PPP2R2C: variants seen among roughly 807,000 people sequenced by gnomAD.
PPP2R2C encodes the protein protein phosphatase 2 regulatory subunit Bgamma, also known as protein phosphatase 2, regulatory subunit B, gamma.
PPP2R2C carries 10 observed loss-of-function variants against 45.3 expected under a neutral mutation model. That is an observed-to-expected ratio of 0.22 (90% confidence interval 0.14 to 0.37). The LOEUF is 0.37. PPP2R2C is among the 10% of genes least tolerant of loss of function. PPP2R2C has a pLI of 1.00. For synonymous variants in PPP2R2C, 257 were observed against 245.4 expected (o/e 1.05, Z -0.44); for missense variants, 308 against 619.7 (o/e 0.50, Z 5.34).
Position 6,457,584 on chromosome 4 carries a change from G to C in PPP2R2C, c.70+14576C>G, listed in dbSNP as rs566471503. Among the ~76,000 whole-genome samples the C allele has an allele frequency of 3.3e-5, 5 of 152,052 alleles. No homozygotes were observed. In the South Asian group the frequency reaches 1.0e-3, roughly 32 times the overall value. On this transcript the variant is annotated intron_variant, in intron 1 of 8. Transcript: ENST00000382599. Reference sequence around the variant, plus strand: ...AGACAGGGTCTCACTATATTGCCCAGGCTGGTCTCGAACTCCTGGGCTCAA... The same window carrying C: ...AGACAGGGTCTCACTATATTGCCCACGCTGGTCTCGAACTCCTGGGCTCAA...
At chr4:6,475,026 G>A (rs1050507139), upstream of PPP2R2C, among the ~76,000 whole-genome samples, 2 of 152,220 alleles carry the variant, frequency 1.3e-5, no homozygotes, top group African/African-American at 4.8e-5. Context: ...CTATGTGTAG[G>A]CATGTTCCCA....
chr4:6,383,221 G>A (rs1715982093), intron 1 of PPP2R2C: 1 of 1,196,172 alleles, frequency 8.4e-7, no homozygotes, highest in Non-Finnish European at 1.1e-6. Flanking sequence ...AGGAGGAAGA[G>A]TGGGTGCAGA....
intron 5 of PPP2R2C, among the ~76,000 whole-genome samples, chr4:6,370,583 G>C (rs1245370059): frequency 1.3e-5 from 2 of 152,316 alleles, no homozygotes; most frequent in East Asian, 3.9e-4. Context: ...ACAGTTCAGA[G>C]AGAACTGGTC....
chr4:6,555,889 A>G (rs1201986696), intron 1 of PPP2R2C, among the ~76,000 whole-genome samples: 1 of 152,100 alleles, frequency 6.6e-6, no homozygotes, highest in Non-Finnish European at 1.5e-5. Context: ...GGAGACTGGG[A>G]CCTCAGCTGT....
intron 2 of PPP2R2C, among the ~76,000 whole-genome samples, chr4:6,515,278 C>T (rs4571410): frequency 0.061 from 9,318 of 152,178 alleles, 484 homozygotes; most frequent in African/African-American, 0.15. Flanking sequence ...GTTTGACAAC[C>T]GAACACTCTC....
chr4:6,417,053 G>C (rs1718639848), intron 1 of PPP2R2C, among the ~76,000 whole-genome samples: 1 of 152,198 alleles, frequency 6.6e-6, no homozygotes, highest in African/African-American at 2.4e-5. Context: ...AAGCCCACCG[G>C]GCCCCTGAAC....
Position 6,322,308 on chromosome 4 carries a change from G to A in PPP2R2C, c.*994C>T, listed in dbSNP as rs1178821372. ...CTCAGAGCCTCAGCTTCTTCTCGTG[G>A]ACAGAGGGGATCCTAAGGGTTCCCG... On this transcript the variant is annotated 3_prime_UTR_variant, in exon 9 of 9. Coordinates refer to ENST00000382599, the MANE Select transcript of PPP2R2C (RefSeq NM_020416.4). The surrounding 1 kb of genome is among the most constrained non-coding windows in gnomAD (Gnocchi z 7.8). 1 of 152,220 alleles carries A rather than the reference G, an allele frequency of 6.6e-6. No individual in the cohort carries two copies. The highest frequency in any genetic ancestry group is 1.5e-5 in the Non-Finnish European group (1 of 68,056). 9.4% of individuals were successfully genotyped at this position (152,220 alleles called of 1,614,324 possible).
intron 1 of PPP2R2C, among the ~76,000 whole-genome samples, chr4:6,405,249 G>A (rs575012689): frequency 6.6e-5 from 10 of 152,230 alleles, no homozygotes; most frequent in South Asian, 4.1e-4. Flanking sequence ...CAGAACTCCC[G>A]CACAGCAGAG....
chr4:6,470,650 C>A (rs1430496342), intron 1 of PPP2R2C, among the ~76,000 whole-genome samples: 2 of 152,350 alleles, frequency 1.3e-5, no homozygotes, highest in East Asian at 3.9e-4. Flanking sequence ...TTCCTCCAAC[C>A]CTCTGTCGCT....
chr4:6,486,781 T>A (rs1722543131), intron 2 of PPP2R2C, among the ~76,000 whole-genome samples: 1 of 152,120 alleles, frequency 6.6e-6, no homozygotes, highest in Admixed American at 6.5e-5. Context: ...TATTTGGGTC[T>A]TGCCTTTTCA....
rs919717062 is a variant in PPP2R2C at position 6,463,008 on chromosome 4, AGG to A, written c.70+9150_70+9151del. Among the ~76,000 whole-genome samples the A allele has an allele frequency of 3.3e-5, 5 of 152,210 alleles. No homozygotes were observed. In the South Asian group the frequency reaches 8.3e-4, roughly 25 times the overall value. ...TCTCTCCCTTCTCTGGGACAGAGGG[AGG>A]GGGGAAGGTGCACTCCCTTCTTAAA... On this transcript the variant is annotated intron_variant, in intron 1 of 8. Transcript: ENST00000382599.
chr4:6,447,422 G>A (rs189464410), intron 1 of PPP2R2C, among the ~76,000 whole-genome samples: 21 of 152,240 alleles, frequency 1.4e-4, no homozygotes, highest in East Asian at 1.2e-3. Flanking sequence ...GAAGAGCTCC[G>A]GATAAATGTG....
intron 1 of PPP2R2C, among the ~76,000 whole-genome samples, chr4:6,546,726 G>C (rs949368731): frequency 2.2e-4 from 33 of 152,246 alleles, no homozygotes; most frequent in Admixed American, 2.2e-3. Context: ...GAAGCCCTCA[G>C]GAGCTCCCGG....
chr4:6,516,071 C>T (rs187752091), intron 2 of PPP2R2C, among the ~76,000 whole-genome samples: 7 of 152,224 alleles, frequency 4.6e-5, no homozygotes, highest in Non-Finnish European at 7.3e-5. Flanking sequence ...ACTACATCTG[C>T]AAATACTTTA....
chr4:6,405,219 C>T (rs914026352), intron 1 of PPP2R2C, among the ~76,000 whole-genome samples: 2 of 152,146 alleles, frequency 1.3e-5, no homozygotes, highest in South Asian at 2.1e-4. Context: ...GGAAGCCAAG[C>T]GAGCGGGTTC....
chr4:6,345,527 C>A lies in PPP2R2C; in HGVS notation c.790+2319G>T, dbSNP rs116299386. On this transcript the variant is annotated intron_variant, in intron 6 of 8. Coordinates refer to ENST00000382599, the MANE Select transcript of PPP2R2C (RefSeq NM_020416.4). The surrounding 1 kb of genome is among the most constrained non-coding windows in gnomAD (Gnocchi z 5.3). ...AGGCGATCACAAGGGCCTTTATACG[C>A]GAAAGACAGACAGGAGGGTCAGAGA... Among the ~76,000 whole-genome samples the A allele has an allele frequency of 7.0e-4, 107 of 152,234 alleles. 1 individual carries two copies. The highest frequency in any genetic ancestry group is 2.5e-3 in the African/African-American group (102 of 41,532).
intron 2 of PPP2R2C, among the ~76,000 whole-genome samples, chr4:6,527,719 C>T (rs1402278760): frequency 6.6e-6 from 1 of 152,092 alleles, no homozygotes; most frequent in Non-Finnish European, 1.5e-5. Context: ...CGGTGCAAAA[C>T]CAAAATATGG....
chr4:6,535,546 G>A (rs1056398804), intron 1 of PPP2R2C, among the ~76,000 whole-genome samples: 1 of 152,158 alleles, frequency 6.6e-6, no homozygotes. Context: ...CCCTCCTCCC[G>A]GCTGCAGGAG....
At chr4:6,402,760 C>T (rs999451817) in intron 1 of PPP2R2C, among the ~76,000 whole-genome samples, 9 of 152,198 alleles carry the variant, frequency 5.9e-5, no homozygotes, top group Admixed American at 2.0e-4. Flanking sequence ...GGAGGCACTG[C>T]ATAACCTGAA....
Sources: gnomAD v4.1 joint callset for allele counts (sites outside exome capture counted in the v4.1 genomes callset) on GRCh38, gnomAD v4.1.1 for gene constraint, Gnocchi (gnomAD v3.1) non-coding constraint, MANE v1.5 for transcripts, NCBI Gene and HGNC (gene_info 2026-07-23, HGNC 2026-07-21) for gene names.